Variants in FAM20A observed in about 807,000 individuals in gnomAD.
The protein encoded by FAM20A is pseudokinase FAM20A.
A neutral mutation model predicts 52.0 loss-of-function variants in FAM20A; 42 were observed. That is an observed-to-expected ratio of 0.81 (90% CI 0.63 to 1.04). FAM20A has a LOEUF of 1.04. Ranked by LOEUF, FAM20A falls within the 50% of genes least tolerant of loss-of-function variation. The pLI is 0.00. For missense variants in FAM20A, 742 were observed against 712.7 expected (o/e 1.04, Z -0.47); for synonymous variants, 304 against 298.9 (o/e 1.02, Z -0.18).
Position 68,567,572 on chromosome 17 carries a change from A to ACAGG in FAM20A, c.405-11833_405-11830dup, listed in dbSNP as rs202101144. 5.7e-3 allele frequency among the ~76,000 whole-genome samples: 860 copies of ACAGG among 152,022 alleles called. 9 individuals carry two copies. The highest frequency in any genetic ancestry group is 9.0e-3 in the Non-Finnish European group (610 of 68,016). ...TGGAGAAACCAGTAAGAAAGTGAGGACAGGGGAGGAAGAAGCCAGACAAAG... is the reference window on the plus strand; with the variant it reads ...TGGAGAAACCAGTAAGAAAGTGAGGACAGGCAGGGGAGGAAGAAGCCAGACAAAG... On this transcript the variant is annotated intron_variant, in intron 1 of 10. Coordinates refer to ENST00000592554, the MANE Select transcript of FAM20A (RefSeq NM_017565.4).
At chr17:68,575,521 AT>A (rs2087716404) in intron 1 of FAM20A, among the ~76,000 whole-genome samples, 1 of 109,116 alleles carries the variant, frequency 9.2e-6, no homozygotes, top group South Asian at 2.4e-4. Context: ...TATTTTATAT[AT>A]TATATAATAT....
In FAM20A at chr17:68,537,426, T is replaced by A. The variant is rs1192853755; in HGVS notation, c.*51A>T. Reference sequence around the variant, plus strand: ...TGAGGACGCAGGGTCGGCACTCGAGTCGACTGCTCTGGCTCCAGGCGTATT... The same window carrying A: ...TGAGGACGCAGGGTCGGCACTCGAGACGACTGCTCTGGCTCCAGGCGTATT... On this transcript the variant is annotated 3_prime_UTR_variant, in exon 11 of 11. Coordinates refer to ENST00000592554, the MANE Select transcript of FAM20A (RefSeq NM_017565.4). This position sits in a 1 kb window ranked among gnomAD's most constrained non-coding sequence, Gnocchi z 4.2. 1.2e-6 allele frequency: 2 copies of A among 1,611,914 alleles called. No individual in the cohort carries two copies. Among genetic ancestry groups the A allele is most frequent in the Non-Finnish European group, 1.7e-6 (2 of 1,179,380 alleles).
rs1568712690 is a variant in FAM20A at position 68,536,098 on chromosome 17, C to G, written c.*1379G>C. The G allele has an allele frequency of 2.2e-6, 1 of 454,072 alleles. No homozygotes were observed. The highest frequency in any genetic ancestry group is 2.0e-5 in the African/African-American group (1 of 50,108). 28.1% of individuals were successfully genotyped at this position (454,072 alleles called of 1,614,324 possible). On this transcript the variant is annotated 3_prime_UTR_variant, in exon 11 of 11. Coordinates refer to ENST00000592554, the MANE Select transcript of FAM20A (RefSeq NM_017565.4). ...TTTAGAGAGACACAAAGTCCAGGGG[C>G]AGCATACCAGTCATGTGGGGGTACC...
At chr17:68,566,648 G>A (rs1351259717) in intron 1 of FAM20A, among the ~76,000 whole-genome samples, 5 of 152,146 alleles carry the variant, frequency 3.3e-5, no homozygotes, top group African/African-American at 1.2e-4. Context: ...AACATCACTG[G>A]GTAGTTCAGA....
In FAM20A at chr17:68,535,409, G is replaced by C. The variant is rs1252936003; in HGVS notation, c.*2068C>G. ...TTCGTTATAGGAGGTGGCGGGTTTT[G>C]AGGTAGAGCTGTAGCCTGCTTTCCT... On this transcript the variant is annotated 3_prime_UTR_variant, in exon 11 of 11. Transcript: ENST00000592554. The C allele has an allele frequency of 6.6e-6, 3 of 453,996 alleles. No individual in the cohort carries two copies. The highest frequency in any genetic ancestry group is 4.7e-5 in the South Asian group (3 of 64,478). 28.1% of individuals were successfully genotyped at this position (453,996 alleles called of 1,614,324 possible).
intron 10 of FAM20A, 69 bp downstream of exon 10, chr17:68,539,268 C>G: frequency 6.5e-7 from 1 of 1,536,152 alleles, no homozygotes; most frequent in Non-Finnish European, 9.0e-7. Context: ...CCCTTCAGAC[C>G]TTGGCTGCAA....
chr17:68,552,049 C>G (rs941049443), intron 3 of FAM20A, 98 bp from the exon 4 acceptor site: 6 of 767,522 alleles, frequency 7.8e-6, no homozygotes, highest in Non-Finnish European at 1.1e-5. Flanking sequence ...TCGCTTTCCT[C>G]TTATGTAATG....
chr17:68,537,619 A>C lies in FAM20A; in HGVS notation c.1484T>G (p.Leu495Arg). Residue 495 changes from leucine (L) to arginine (R), a missense_variant, in exon 11 of 11, where the codon CTC becomes CGC. Transcript: ENST00000592554. The surrounding 1 kb of genome is among the most constrained non-coding windows in gnomAD (Gnocchi z 4.2). Reference protein sequence around the residue: ...QLSPVLTEPHLLALDRRLQTI... With the variant: ...QLSPVLTEPHRLALDRRLQTI... ...TTGGAGCCTTCGATCCAGGGCAAGG[A>C]GGTGGGGTTCAGTGAGGACAGGGCT... 1 of 1,613,754 alleles carries C rather than the reference A, an allele frequency of 6.2e-7. No homozygotes were observed. The highest frequency in any genetic ancestry group is 1.1e-5 in the South Asian group (1 of 90,944).
intron 1 of FAM20A, among the ~76,000 whole-genome samples, chr17:68,573,255 C>T (rs371714508): frequency 2.6e-5 from 4 of 152,198 alleles, no homozygotes; most frequent in Admixed American, 6.5e-5. Flanking sequence ...AACCTCTCTG[C>T]GCCTCACCTC....
intron 1 of FAM20A, among the ~76,000 whole-genome samples, chr17:68,573,013 T>A (rs1467464223): frequency 2.0e-5 from 3 of 152,196 alleles, no homozygotes; most frequent in Non-Finnish European, 4.4e-5. Flanking sequence ...ACCCCCGCTT[T>A]GGAGGCTGTC....
At chr17:68,560,302 G>A (rs1036406132) in intron 1 of FAM20A, among the ~76,000 whole-genome samples, 3 of 148,152 alleles carry the variant, frequency 2.0e-5, no homozygotes, top group Non-Finnish European at 4.4e-5. Context: ...CTGAGATCAC[G>A]CCACTGCACT....
chr17:68,584,039 G>A (rs1267922610), intron 1 of FAM20A, among the ~76,000 whole-genome samples: 1 of 152,200 alleles, frequency 6.6e-6, no homozygotes, highest in Admixed American at 6.5e-5. Context: ...AGATCTGGCT[G>A]GGTGTGGTGG....
chr17:68,556,621 G>A (rs1264336527), intron 1 of FAM20A, among the ~76,000 whole-genome samples: 1 of 152,102 alleles, frequency 6.6e-6, no homozygotes, highest in Non-Finnish European at 1.5e-5. Context: ...GGGTACTCCT[G>A]CATTAAGGAC....
At position 68,555,559 on chromosome 17, in the gene FAM20A, C is replaced by G; in HGVS notation, c.589G>C (p.Asp197His). ...CCTTGCTTGATCCCATGAACCTTAC[C>G]AGCACTGATGGTGGGAAAGTGCCTC... is the stretch of plus-strand genomic sequence containing the variant. ...DMRHFPTISA[D>H]YSQDEKALLG... is the part of the protein sequence containing the mutation. Residue 197 changes from aspartate to histidine, a missense_variant and splice_region_variant, in exon 2 of 11, where the codon GAT becomes CAT. Transcript: ENST00000592554. The G allele has an allele frequency of 6.2e-7, 1 of 1,612,614 alleles. No individual in the cohort carries two copies. Among genetic ancestry groups the G allele is most frequent in the Non-Finnish European group, 8.5e-7 (1 of 1,180,028 alleles).
intron 3 of FAM20A, among the ~76,000 whole-genome samples, chr17:68,552,666 CTTTTTTTTTTTTTT>C (rs576230517): frequency 4.5e-5 from 3 of 66,844 alleles, no homozygotes; most frequent in Non-Finnish European, 9.2e-5. Context: ...CTTTATTTTC[CTTTTTTTTTTTTTT>C]TTTTTTTTTT....
At chr17:68,599,654 A>T (rs974508813) in intron 1 of FAM20A, among the ~76,000 whole-genome samples, 1 of 152,160 alleles carries the variant, frequency 6.6e-6, no homozygotes, top group Admixed American at 6.5e-5. Context: ...TTAAATGTGA[A>T]CAATGGGGTG....
At chr17:68,561,498 CTCTG>C (rs1227433979) in intron 1 of FAM20A, among the ~76,000 whole-genome samples, 1 of 151,790 alleles carries the variant, frequency 6.6e-6, no homozygotes, top group African/African-American at 2.4e-5. Flanking sequence ...CTGTTTCATG[CTCTG>C]TCTGGCCATA....
At chr17:68,568,943 AAT>A (rs1370084043) in intron 1 of FAM20A, among the ~76,000 whole-genome samples, 2 of 151,852 alleles carry the variant, frequency 1.3e-5, no homozygotes, top group Non-Finnish European at 2.9e-5. Flanking sequence ...AACAGAATAA[AAT>A]TCCTAGGCAC....
chr17:68,557,693 A>AT (rs1272453643), intron 1 of FAM20A: 1 of 152,090 alleles, frequency 6.6e-6, no homozygotes, highest in Non-Finnish European at 1.5e-5. Flanking sequence ...TTTCTCTCCT[A>AT]TTTCTGACAC....
Sources: gnomAD v4.1 joint callset for allele counts (sites outside exome capture counted in the v4.1 genomes callset) on GRCh38, gnomAD v4.1.1 for gene constraint, Gnocchi (gnomAD v3.1) non-coding constraint, MANE v1.5 for transcripts, NCBI Gene and HGNC (gene_info 2026-07-23, HGNC 2026-07-21) for gene names.